ITGA8: variants seen among roughly 807,000 people sequenced by gnomAD.
ITGA8 encodes integrin subunit alpha 8, also known as integrin alpha-8.
In ITGA8, 91 loss-of-function variants were observed where a neutral mutation model predicts 142.3. That is an observed-to-expected ratio of 0.64 (90% CI 0.54 to 0.76). ITGA8 has a LOEUF of 0.76. ITGA8 is among the 30% of genes least tolerant of loss of function. The probability of loss-of-function intolerance (pLI) is 0.00; values close to 1 mark genes in which losing one functional copy is unlikely to be tolerated. For missense variants in ITGA8, 1,406 were observed against 1,327.7 expected (o/e 1.06, Z -0.92); for synonymous variants, 505 against 485.2 (o/e 1.04, Z -0.54).
chr10:15,592,140 A>G, intron 22 of ITGA8, 85 bp downstream of exon 22: 3 of 926,506 alleles, frequency 3.2e-6, no homozygotes, highest in Non-Finnish European at 5.0e-6. Flanking sequence ...TTTTAAGGCC[A>G]AGGGCCTTGA....
At position 15,592,284 on chromosome 10, in the gene ITGA8, A is replaced by G. The variant is rs1832937365; in HGVS notation, c.2232T>C (p.Phe744=). The change falls in exon 22 of 30, where the codon TTT becomes TTC. Residue 744 remains phenylalanine, a synonymous_variant. Transcript: ENST00000378076. ...TTGTTTTCTCAAGACGTGGAACTGC[A>G]AATCGGAGGCCCAGGGAATACTAAA... ...SGTNYSLGLR[F]AVPRLEKTNM... The G allele has an allele frequency of 3.7e-6, 6 of 1,613,350 alleles. No homozygotes were observed. The highest frequency in any genetic ancestry group is 5.1e-6 in the Non-Finnish European group (6 of 1,179,424).
intron 13 of ITGA8, among the ~76,000 whole-genome samples, chr10:15,642,424 C>A (rs1833887625): frequency 6.6e-6 from 1 of 152,164 alleles, no homozygotes; most frequent in Non-Finnish European, 1.5e-5. Flanking sequence ...AGACCTATGA[C>A]TACCATAATA....
intron 25 of ITGA8, among the ~76,000 whole-genome samples, chr10:15,568,572 T>C (rs1479004257): frequency 2.0e-5 from 3 of 152,218 alleles, no homozygotes; most frequent in East Asian, 1.9e-4. Context: ...CAGAGTTATG[T>C]TGTATTTGGA....
intron 14 of ITGA8, 90 bp from the exon 15 acceptor site, chr10:15,613,857 G>A: frequency 1.2e-6 from 1 of 863,838 alleles, no homozygotes; most frequent in East Asian, 2.5e-5. Flanking sequence ...GAACTCAGTA[G>A]TAGACAGAAT....
At position 15,514,845 on chromosome 10, in the gene ITGA8, AC is replaced by A. The variant is rs1832934711; in HGVS notation, c.*2312del. ...CTAGGAAAGGGCCATCTTGGCTGAG[AC>A]TCTGGGATGGTGCAGTTCACTTTGG... On this transcript the variant is annotated 3_prime_UTR_variant, in exon 30 of 30. Coordinates refer to ENST00000378076, the MANE Select transcript of ITGA8 (RefSeq NM_003638.3). The A allele has an allele frequency of 2.0e-5, 3 of 151,876 alleles. No homozygotes were observed. The highest frequency in any genetic ancestry group is 7.3e-5 in the African/African-American group (3 of 41,286). 9.4% of individuals were successfully genotyped at this position (151,876 alleles called of 1,614,324 possible). A position where few individuals can be genotyped will look rare whatever the true frequency, so the allele number is the denominator to read the frequency against.
intron 2 of ITGA8, among the ~76,000 whole-genome samples, chr10:15,709,070 T>C (rs1835314850): frequency 6.6e-6 from 1 of 152,244 alleles, no homozygotes; most frequent in Admixed American, 6.5e-5. Context: ...CCCCATCCTA[T>C]GAATCCAATA....
Position 15,598,347 on chromosome 10 carries a change from G to A in ITGA8, c.2119-1048C>T, listed in dbSNP as rs183628883. Among the ~76,000 whole-genome samples, 3 of 151,934 alleles carry A rather than the reference G, an allele frequency of 2.0e-5. No individual in the cohort carries two copies. In the East Asian group the frequency reaches 5.8e-4, roughly 29 times the overall value. ...TGAAATTTTATTTTATTTTTTATTTGTTTTTTTGTCCTTGTCTGTTATCTA... is the reference window on the plus strand; with the variant it reads ...TGAAATTTTATTTTATTTTTTATTTATTTTTTTGTCCTTGTCTGTTATCTA... On this transcript the variant is annotated intron_variant, in intron 20 of 29. Transcript: ENST00000378076.
At chr10:15,529,526 C>T (rs572498534) in intron 28 of ITGA8, among the ~76,000 whole-genome samples, 2 of 152,186 alleles carry the variant, frequency 1.3e-5, no homozygotes, top group Non-Finnish European at 2.9e-5. Flanking sequence ...AGCTCTCAAC[C>T]CTGGCTCCCC....
intron 2 of ITGA8, among the ~76,000 whole-genome samples, chr10:15,698,232 C>A (rs1377255004): frequency 1.3e-5 from 2 of 152,128 alleles, no homozygotes; most frequent in African/African-American, 4.8e-5. Flanking sequence ...CTGAGAATGC[C>A]ATTATTTCAT....
intron 12 of ITGA8, among the ~76,000 whole-genome samples, chr10:15,645,289 G>A (rs1167320454): frequency 6.6e-6 from 1 of 151,882 alleles, no homozygotes; most frequent in Admixed American, 6.6e-5. Flanking sequence ...TATACTCAAG[G>A]ACACCAAAGC....
At chr10:15,539,272 T>C (rs1833520219) in intron 27 of ITGA8, among the ~76,000 whole-genome samples, 1 of 152,122 alleles carries the variant, frequency 6.6e-6, no homozygotes, top group Non-Finnish European at 1.5e-5. Flanking sequence ...TCTGTCTCAG[T>C]AGATGAAATA....
At chr10:15,636,406 T>C (rs1360029192) in intron 13 of ITGA8, among the ~76,000 whole-genome samples, 1 of 152,196 alleles carries the variant, frequency 6.6e-6, no homozygotes, top group Non-Finnish European at 1.5e-5. Context: ...GAAATGAAAG[T>C]ACTTATGACT....
chr10:15,688,611 G>A (rs1474663995), intron 2 of ITGA8, among the ~76,000 whole-genome samples: 1 of 152,138 alleles, frequency 6.6e-6, no homozygotes, highest in Non-Finnish European at 1.5e-5. Flanking sequence ...CAAAATACTA[G>A]CAACTCAAAT....
In ITGA8 at chr10:15,616,658, G is replaced by C. The variant is rs1588677528; in HGVS notation, c.1400-99C>G. 5.3e-6 allele frequency: 5 copies of C among 945,788 alleles called. No homozygotes were observed. In the East Asian group the frequency reaches 9.8e-5, roughly 19 times the overall value. 58.6% of individuals were successfully genotyped at this position (945,788 alleles called of 1,614,324 possible). A position where few individuals can be genotyped will look rare whatever the true frequency, so the allele number is the denominator to read the frequency against. On this transcript the variant is annotated intron_variant, in intron 13 of 29. Coordinates refer to ENST00000378076, the MANE Select transcript of ITGA8 (RefSeq NM_003638.3). ...AGCACATAGAATACCCCTACATGCT[G>C]ATGGTACGAGAGCCACAAAATTAGA...
intron 13 of ITGA8, among the ~76,000 whole-genome samples, chr10:15,636,320 C>G (rs924560111): frequency 1.6e-4 from 24 of 152,174 alleles, no homozygotes; most frequent in African/African-American, 5.5e-4. Context: ...CTGGTCAATC[C>G]TACTTTCCCA....
intron 13 of ITGA8, among the ~76,000 whole-genome samples, chr10:15,618,202 C>G (rs1446881156): frequency 1.3e-5 from 2 of 151,336 alleles, no homozygotes; most frequent in African/African-American, 2.4e-5. Flanking sequence ...GACAAACATA[C>G]ACACGTATCC....
intron 2 of ITGA8, among the ~76,000 whole-genome samples, chr10:15,705,166 A>T (rs1421614615): frequency 1.3e-5 from 2 of 152,134 alleles, no homozygotes; most frequent in African/African-American, 2.4e-5. Context: ...AGGTAGGGCC[A>T]TGCTATAGGC....
chr10:15,542,464 A>ATG (rs1833588934), intron 27 of ITGA8, among the ~76,000 whole-genome samples: 1 of 152,206 alleles, frequency 6.6e-6, no homozygotes, highest in Non-Finnish European at 1.5e-5. Context: ...GAATCATAAG[A>ATG]TGTTTTCTTT....
chr10:15,580,551 A>G (rs1253608955), intron 23 of ITGA8, among the ~76,000 whole-genome samples: 1 of 152,208 alleles, frequency 6.6e-6, no homozygotes, highest in Admixed American at 6.5e-5. Context: ...AGCAAGTCGA[A>G]TCCCAGAGTA....
Sources: allele counts gnomAD v4.1 joint callset (sites outside exome capture counted in the v4.1 genomes callset), GRCh38; gene constraint gnomAD v4.1.1; transcripts MANE v1.5; gene names NCBI Gene and HGNC (gene_info 2026-07-23, HGNC 2026-07-21).